Variants in IQCN observed in about 807,000 individuals in gnomAD.
IQCN encodes the protein IQ domain-containing protein N.
A neutral mutation model predicts 64.4 loss-of-function variants in IQCN; 46 were observed. The ratio of observed to expected loss-of-function variants is 0.71; its 90% CI spans 0.56 to 0.91. The LOEUF is 0.91. Among genes scored for constraint, IQCN ranks in the 40% least tolerant of loss-of-function variants. IQCN has a pLI of 0.00. For missense variants in IQCN, 1,753 were observed against 1,857.4 expected, an observed-to-expected ratio of 0.94 and a Z score of 1.03; for synonymous variants, 733 against 775.6, an observed-to-expected ratio of 0.95 and a Z score of 0.91.
Position 18,258,090 on chromosome 19 carries a change from C to A in IQCN, c.3194G>T (p.Gly1065Val). The change falls in exon 4 of 4, where the codon GGT (glycine) becomes GTT (valine). Residue 1065 changes from glycine to valine, a missense_variant. Gly to Val is a moderately radical substitution (Grantham distance 109). Transcript: ENST00000392413. ...PQTSKGPADA[G>V]VVGGQSWNRA... is the part of the protein sequence containing the mutation. The stretch of plus-strand genomic sequence containing the variant: ...GTTCCACGATTGGCCACCAACCACA[C>A]CAGCGTCCGCGGGGCCCTGGAGTAT... The A allele has an allele frequency of 6.2e-7, 1 of 1,610,958 alleles. No homozygotes were observed. Among genetic ancestry groups the A allele is most frequent in the Non-Finnish European group, 8.5e-7 (1 of 1,179,994 alleles).
chr19:18,267,790 T>C, intron 2 of IQCN: 1 of 310,178 alleles, frequency 3.2e-6, no homozygotes, highest in Non-Finnish European at 5.4e-6. Context: ...CTTTTTTCTT[T>C]TCTTTTTTTT....
Position 18,269,596 on chromosome 19 carries a change from A to G in IQCN, c.-109-9T>C. 5 of 772,862 alleles carry G rather than the reference A, an allele frequency of 6.5e-6. No homozygotes were observed. The highest frequency in any genetic ancestry group is 1.0e-5 in the Non-Finnish European group (5 of 499,844). The allele number at this position is 772,862 out of a possible 1,614,324, so 47.9% of individuals were successfully genotyped here. The stretch of plus-strand genomic sequence containing the variant: ...AGCAACACTGCCCTGGGCTGGCTCA[A>G]GACCAACACAAAAAGAAATGTTAAA... On this transcript the variant is annotated splice_polypyrimidine_tract_variant and intron_variant, in intron 1 of 3. Coordinates refer to ENST00000392413, the MANE Select transcript of IQCN (RefSeq NM_001145304.2).
At position 18,267,112 on chromosome 19, in the gene IQCN, C is replaced by T. The variant is rs1969614975; in HGVS notation, c.428G>A (p.Arg143Lys). Residue 143 changes from arginine (R) to lysine (K), a missense_variant, in exon 3 of 4, where the codon AGA (arginine) becomes AAA (lysine). Coordinates refer to ENST00000392413, the MANE Select transcript of IQCN (RefSeq NM_001145304.2). ...IQEAWRRFNK[R>K]HILHSSKSLV... ...CGACTTGCTGGAGTGAAGGATGTGTCTCTTGTTGAAGCGCCGCCAGGCCTC... is the reference window on the plus strand; with the variant it reads ...CGACTTGCTGGAGTGAAGGATGTGTTTCTTGTTGAAGCGCCGCCAGGCCTC... The T allele has an allele frequency of 6.2e-7, 1 of 1,614,258 alleles. No individual in the cohort carries two copies. Among genetic ancestry groups the T allele is most frequent in the Non-Finnish European group, 8.5e-7 (1 of 1,180,054 alleles).
Position 18,265,315 on chromosome 19 carries a change from G to C in IQCN, c.2225C>G (p.Thr742Arg), listed in dbSNP as rs761192366. The change falls in exon 3 of 4, where the codon ACG becomes AGG. Residue 742 changes from threonine to arginine, a missense_variant. Physicochemically the swap from Thr to Arg is moderately conservative, Grantham distance 71. Coordinates refer to ENST00000392413, the MANE Select transcript of IQCN (RefSeq NM_001145304.2). This position sits in a 1 kb window ranked among gnomAD's most constrained non-coding sequence, Gnocchi z 4.7. ...TGTGATCGGCTGCCCCCGGGACTGCGTCTTGGTCAGACAGGTGGCTAGAGG... is the reference window on the plus strand; with the variant it reads ...TGTGATCGGCTGCCCCCGGGACTGCCTCTTGGTCAGACAGGTGGCTAGAGG... ...QAPLATCLTK[T>R]QSRGQPITDI... 6.2e-7 allele frequency: 1 copy of C among 1,614,178 alleles called. No individual in the cohort carries two copies. Among genetic ancestry groups the C allele is most frequent in the South Asian group, 1.1e-5 (1 of 91,090 alleles).
intron 1 of IQCN, among the ~76,000 whole-genome samples, chr19:18,270,469 G>A (rs532914645): frequency 2.6e-5 from 4 of 151,846 alleles, no homozygotes; most frequent in Non-Finnish European, 5.9e-5. Context: ...AGACCAGCCT[G>A]GGCAACATGG....
Position 18,257,502 on chromosome 19 carries a change from C to T in IQCN, c.3782G>A (p.Arg1261His), listed in dbSNP as rs772258185. 2.9e-5 allele frequency: 47 copies of T among 1,609,202 alleles called. No individual in the cohort carries two copies. Among genetic ancestry groups the T allele is most frequent in the South Asian group, 1.2e-4 (11 of 90,636 alleles). Reference protein sequence around the residue: ...SSPRTCHTCGRTQPTRVVQGM... With the variant: ...SSPRTCHTCGHTQPTRVVQGM... Reference sequence around the variant, plus strand: ...CTGCACCACACGGGTGGGCTGTGTGCGTCCACAGGTATGACAGGTGCGAGG... The same window carrying T: ...CTGCACCACACGGGTGGGCTGTGTGTGTCCACAGGTATGACAGGTGCGAGG... Residue 1261 changes from arginine (R) to histidine (H), a missense_variant, in exon 4 of 4, where the codon CGC (arginine) becomes CAC (histidine). Coordinates refer to ENST00000392413, the MANE Select transcript of IQCN (RefSeq NM_001145304.2).
Position 18,265,399 on chromosome 19 carries a change from C to T in IQCN, c.2141G>A (p.Ser714Asn). The change falls in exon 3 of 4, where the codon AGC becomes AAC. Residue 714 changes from serine to asparagine, a missense_variant. Coordinates refer to ENST00000392413, the MANE Select transcript of IQCN (RefSeq NM_001145304.2). The surrounding 1 kb of genome is among the most constrained non-coding windows in gnomAD (Gnocchi z 4.7). ...PSLAHLDTCL[S>N]KMHSQTHLAT... is the part of the protein sequence containing the mutation. ...CAGATGTGTCTGGGAATGCATCTTG[C>T]TCAGACAGGTGTCCAGATGGGCCAG... is the stretch of plus-strand genomic sequence containing the variant. 2 of 1,614,186 alleles carry T rather than the reference C, an allele frequency of 1.2e-6. No homozygotes were observed. The highest frequency in any genetic ancestry group is 1.1e-5 in the South Asian group (1 of 91,086).
rs1232949525 is a variant in IQCN at position 18,266,081 on chromosome 19, C to G, written c.1459G>C (p.Gly487Arg). 4.3e-6 allele frequency: 7 copies of G among 1,613,602 alleles called. No individual in the cohort carries two copies. Among genetic ancestry groups the G allele is most frequent in the Non-Finnish European group, 5.1e-6 (6 of 1,179,878 alleles). ...SKTSSQRSPVGVTKPSPQTRL... is the reference protein window; with the variant it reads ...SKTSSQRSPVRVTKPSPQTRL... ...GTCTGGGGTGAGGGCTTGGTCACCC[C>G]AACTGGGCTCCTCTGGGATGAAGTC... The change falls in exon 3 of 4, where the codon GGG becomes CGG. Residue 487 changes from glycine to arginine, a missense_variant. Coordinates refer to ENST00000392413, the MANE Select transcript of IQCN (RefSeq NM_001145304.2). The surrounding 1 kb of genome is among the most constrained non-coding windows in gnomAD (Gnocchi z 4.3).
At position 18,264,423 on chromosome 19, in the gene IQCN, C is replaced by G; in HGVS notation, c.3117G>C (p.Arg1039Ser). Residue 1039 changes from arginine to serine, a missense_variant, in exon 3 of 4, where the codon AGG (arginine) becomes AGC (serine). Arg to Ser is a moderately radical substitution (Grantham distance 110, BLOSUM62 -1). Coordinates refer to ENST00000392413, the MANE Select transcript of IQCN (RefSeq NM_001145304.2). The surrounding 1 kb of genome is among the most constrained non-coding windows in gnomAD (Gnocchi z 4.3). ...KTPALVKVAC[R>S]RSPSAAWGPS... is the part of the protein sequence containing the mutation. ...GCCCCCATGCGGCCGATGGACTCCT[C>G]CTGCAGGCCACCTTCACCAGGGCCG... 6.5e-7 allele frequency: 1 copy of G among 1,546,572 alleles called. No homozygotes were observed. Among genetic ancestry groups the G allele is most frequent in the Non-Finnish European group, 8.7e-7 (1 of 1,144,506 alleles).
In IQCN at chr19:18,269,435, C is replaced by T. The variant is rs142043005; in HGVS notation, c.13+31G>A. On this transcript the variant is annotated intron_variant, in intron 2 of 3. Transcript: ENST00000392413. ...GCCCCTCTCTTCAGGTTGGACTAGC[C>T]AGACCCCTTGCCCATAGACCATCTT... The T allele has an allele frequency of 1.4e-4, 228 of 1,612,456 alleles. 1 individual carries two copies. In the East Asian group the frequency reaches 4.5e-3, roughly 32 times the overall value.
At chr19:18,268,174 CTGTGTGTGTGTGTGTGTG>C (rs71336668) in intron 2 of IQCN, among the ~76,000 whole-genome samples, 3 of 134,400 alleles carry the variant, frequency 2.2e-5, no homozygotes, top group Admixed American at 7.4e-5. Flanking sequence ...CTGTTTGCCT[CTGTGTGTGTGTGTGTGTG>C]TGTGTGTGTG....
At position 18,267,183 on chromosome 19, in the gene IQCN, G is replaced by C. The variant is rs147570666; in HGVS notation, c.357C>G (p.Leu119=). 2.5e-6 allele frequency: 4 copies of C among 1,614,266 alleles called. No homozygotes were observed. Among genetic ancestry groups the C allele is most frequent in the Admixed American group, 3.3e-5 (2 of 60,034 alleles). ...LIQANWRGYW[L]RQKLISQMMA... ...TCATCTGGGAAATCAGCTTCTGCCGGAGCCAATAGCCCCTCCAGTTGGCTT... is the reference window on the plus strand; with the variant it reads ...TCATCTGGGAAATCAGCTTCTGCCGCAGCCAATAGCCCCTCCAGTTGGCTT... The change falls in exon 3 of 4, where the codon CTC becomes CTG. Residue 119 remains leucine (L), a synonymous_variant. Transcript: ENST00000392413.
rs16982285 is a variant in IQCN at position 18,265,699 on chromosome 19, G to A, written c.1841C>T (p.Ala614Val). The A allele has an allele frequency of 0.044, 71,468 of 1,614,050 alleles. 6,899 individuals are homozygous for A. Among genetic ancestry groups the A allele is most frequent in the African/African-American group, 0.39 (29,511 of 74,966 alleles). The change falls in exon 3 of 4, where the codon GCG becomes GTG. Residue 614 changes from alanine to valine, a missense_variant. By Grantham distance (64) the Ala-to-Val change is moderately conservative. Coordinates refer to ENST00000392413, the MANE Select transcript of IQCN (RefSeq NM_001145304.2). This position sits in a 1 kb window ranked among gnomAD's most constrained non-coding sequence, Gnocchi z 4.7. ...EKIKTGTQKQ[A>V]KTDMAFKTSV... ...GGTCTTAAATGCCATGTCTGTTTTC[G>A]CCTGTTTCTGGGTGCCAGTCTTGAT...
At chr19:18,260,629 T>A (rs8105176) in intron 3 of IQCN, 40,499 of 152,726 alleles carry the variant, frequency 0.27, 5,432 homozygotes, top group Admixed American at 0.34. Flanking sequence ...CAGGATGAAT[T>A]TGTCTTGCCT....
In IQCN at chr19:18,257,517, C is replaced by G; in HGVS notation, c.3767G>C (p.Cys1256Ser). The change falls in exon 4 of 4, where the codon TGT becomes TCT. Residue 1256 changes from cysteine to serine, a missense_variant. Transcript: ENST00000392413. ...GGGCTGTGTGCGTCCACAGGTATGA[C>G]AGGTGCGAGGGCTGGAGCCCACTAG... ...VMLVGSSPRT[C>S]HTCGRTQPTR... 6.2e-7 allele frequency: 1 copy of G among 1,611,076 alleles called. No individual in the cohort carries two copies. Among genetic ancestry groups the G allele is most frequent in the South Asian group, 1.1e-5 (1 of 90,796 alleles).
chr19:18,265,257 C>T lies in IQCN; in HGVS notation c.2283G>A (p.Gln761=). 6.2e-7 allele frequency: 1 copy of T among 1,613,744 alleles called. No individual in the cohort carries two copies. Among genetic ancestry groups the T allele is most frequent in the Non-Finnish European group, 8.5e-7 (1 of 1,179,922 alleles). ...GGGTGTTGCTGCTGAGATCAGCAGCCTGGTGCGCTGGGATGAGGCACGTGG... is the reference window on the plus strand; with the variant it reads ...GGGTGTTGCTGCTGAGATCAGCAGCTTGGTGCGCTGGGATGAGGCACGTGG... ...DITTCLIPAH[Q]AADLSSNTHS... is the part of the protein sequence containing the mutation. Residue 761 remains glutamine (Q), a synonymous_variant, in exon 3 of 4, where the codon CAG becomes CAA. Coordinates refer to ENST00000392413, the MANE Select transcript of IQCN (RefSeq NM_001145304.2). This position sits in a 1 kb window ranked among gnomAD's most constrained non-coding sequence, Gnocchi z 4.7.
intron 2 of IQCN, 47 bp from the exon 3 acceptor site, chr19:18,267,573 C>T (rs1336273537): frequency 4.7e-6 from 7 of 1,489,630 alleles, no homozygotes; most frequent in Non-Finnish European, 5.3e-6. Context: ...GTCCTGCAAA[C>T]AAGAGGTCTC....
In IQCN at chr19:18,267,511, G is replaced by A. The variant is rs149409593; in HGVS notation, c.29C>T (p.Ser10Phe). Reference protein sequence around the residue: MTLQGRADLSGNQGNAAGRL... With the variant: MTLQGRADLFGNQGNAAGRL... Reference sequence around the variant, plus strand: ...GCCGGCTGCATTGCCTTGATTACCGGACAGGTCAGCTCTGCCTGTGGGGGC... The same window carrying A: ...GCCGGCTGCATTGCCTTGATTACCGAACAGGTCAGCTCTGCCTGTGGGGGC... The change falls in exon 3 of 4, where the codon TCC becomes TTC. Residue 10 changes from serine (S) to phenylalanine (F), a missense_variant. Ser to Phe is a radical substitution (Grantham distance 155, BLOSUM62 -2). Transcript: ENST00000392413. 1,604 of 1,526,314 alleles carry A rather than the reference G, an allele frequency of 1.1e-3. 10 individuals carry two copies. The highest frequency in any genetic ancestry group is 8.6e-3 in the African/African-American group (616 of 72,016). The allele number at this position is 1,526,314 out of a possible 1,614,324, so 94.5% of individuals were successfully genotyped here.
In IQCN at chr19:18,265,788, A is replaced by G; in HGVS notation, c.1752T>C (p.Ala584=). The G allele has an allele frequency of 1.9e-6, 3 of 1,614,070 alleles. No individual in the cohort carries two copies. Among genetic ancestry groups the G allele is most frequent in the African/African-American group, 1.3e-5 (1 of 75,000 alleles). ...GGACCCCAGTTCCCGGATGTGGTTG[A>G]GCCAGGCACCTGATCTTCCCCTCAG... The part of the protein sequence containing the change: ...YLAEGKIRCL[A]QPHPGTGVPR... The change falls in exon 3 of 4, where the codon GCT becomes GCC. Residue 584 remains alanine (A), a synonymous_variant. Coordinates refer to ENST00000392413, the MANE Select transcript of IQCN (RefSeq NM_001145304.2). This position sits in a 1 kb window ranked among gnomAD's most constrained non-coding sequence, Gnocchi z 4.7.
Sources: gnomAD v4.1 joint callset for allele counts (sites outside exome capture counted in the v4.1 genomes callset) on GRCh38, gnomAD v4.1.1 for gene constraint, Gnocchi (gnomAD v3.1) non-coding constraint, MANE v1.5 for transcripts, NCBI Gene and HGNC (gene_info 2026-07-23, HGNC 2026-07-21) for gene names.